ZNF423: variants seen among roughly 807,000 people sequenced by gnomAD.
The protein encoded by ZNF423 is Ebf-associated zinc finger protein.
ZNF423 carries 12 observed loss-of-function variants against 95.8 expected under a neutral mutation model. The observed-to-expected ratio is 0.13, with a 90% confidence interval of 0.08 to 0.20. ZNF423 has a LOEUF of 0.20. ZNF423 is among the 10% of genes least tolerant of loss of function. The pLI is 1.00. For missense variants in ZNF423, 1,316 were observed against 1,737.1 expected, an observed-to-expected ratio of 0.76 and a Z score of 4.31; for synonymous variants, 749 against 711.9, an observed-to-expected ratio of 1.05 and a Z score of -0.83.
chr16:49,648,634 A>T (rs1973270658), intron 3 of ZNF423, among the ~76,000 whole-genome samples: 1 of 151,374 alleles, frequency 6.6e-6, no homozygotes, highest in African/African-American at 2.4e-5. Context: ...CCTGGGTGAC[A>T]GAGCAAGACT....
chr16:49,631,663 G>A (rs1376266951), intron 4 of ZNF423, among the ~76,000 whole-genome samples: 1 of 152,216 alleles, frequency 6.6e-6, no homozygotes, highest in Non-Finnish European at 1.5e-5. Flanking sequence ...GGCAAAGACA[G>A]GAGAGGGAGG....
rs77996576 is a variant in ZNF423 at position 49,636,641 on chromosome 16, G to A, written c.2535C>T (p.Thr845=). The change falls in exon 4 of 8, where the codon ACC becomes ACT. Residue 845 remains threonine (T), a synonymous_variant. Transcript: ENST00000563137. The surrounding 1 kb of genome is among the most constrained non-coding windows in gnomAD (Gnocchi z 8.6). ...REKHCVFDAA[T]ENGTANGVPP... is the part of the protein sequence containing the mutation. ...GTACCCCATTGGCCGTGCCGTTCTCGGTCGCAGCATCAAACACACAGTGCT... is the reference window on the plus strand; with the variant it reads ...GTACCCCATTGGCCGTGCCGTTCTCAGTCGCAGCATCAAACACACAGTGCT... 3,607 of 1,614,026 alleles carry A rather than the reference G, an allele frequency of 2.2e-3. 69 individuals are homozygous for A. In the African/African-American group the frequency reaches 0.041, roughly 18 times the overall value.
intron 1 of ZNF423, among the ~76,000 whole-genome samples, chr16:49,851,993 A>T (rs2035307107): frequency 6.6e-6 from 1 of 152,220 alleles, no homozygotes; most frequent in African/African-American, 2.4e-5. Flanking sequence ...AAGATCATGT[A>T]CATTTAGCCA....
upstream of ZNF423, among the ~76,000 whole-genome samples, chr16:49,858,212 G>A (rs1465406762): frequency 6.7e-6 from 1 of 150,334 alleles, no homozygotes; most frequent in African/African-American, 2.4e-5. The surrounding 1 kb of genome is among the most constrained non-coding windows in gnomAD (Gnocchi z 4.3). Context: ...CCCGCTGCCC[G>A]CCGAGAACAG....
chr16:49,748,926 C>G (rs189301098), intron 2 of ZNF423, among the ~76,000 whole-genome samples: 5 of 152,288 alleles, frequency 3.3e-5, no homozygotes, highest in Admixed American at 3.3e-4. Context: ...CCCTCTCATG[C>G]AGAAAGAGGT....
intron 3 of ZNF423, among the ~76,000 whole-genome samples, chr16:49,639,441 C>G (rs752407325): frequency 6.6e-6 from 1 of 152,222 alleles, no homozygotes; most frequent in Non-Finnish European, 1.5e-5. Flanking sequence ...GAGCTGGAAG[C>G]TGCTGCTTCA....
chr16:49,510,063 G>A (rs1184645571), intron 7 of ZNF423, among the ~76,000 whole-genome samples: 1 of 152,262 alleles, frequency 6.6e-6, no homozygotes, highest in Non-Finnish European at 1.5e-5. Flanking sequence ...GACATCAAGC[G>A]AGTGGCTTAA....
At position 49,525,358 on chromosome 16, in the gene ZNF423, C is replaced by T; in HGVS notation, c.3733+5G>A. 1.2e-6 allele frequency: 2 copies of T among 1,613,992 alleles called. No individual in the cohort carries two copies. Among genetic ancestry groups the T allele is most frequent in the Non-Finnish European group, 8.5e-7 (1 of 1,179,916 alleles). Reference sequence around the variant, plus strand: ...CCCCTGAGGGGCACAAGCTGGGTACCTTACCTGTGAAACACACGGGGCATT... The same window carrying T: ...CCCCTGAGGGGCACAAGCTGGGTACTTTACCTGTGAAACACACGGGGCATT... On this transcript the variant is annotated splice_donor_5th_base_variant and intron_variant, in intron 6 of 7. Transcript: ENST00000563137.
chr16:49,636,656 C>T lies in ZNF423; in HGVS notation c.2520G>A (p.Val840=), dbSNP rs1042660017. The stretch of plus-strand genomic sequence containing the variant: ...TGCCGTTCTCGGTCGCAGCATCAAA[C>T]ACACAGTGCTTCTCCCGCAGGTGCT... ...LEKHLREKHC[V]FDAATENGTA... The change falls in exon 4 of 8, where the codon GTG becomes GTA. Residue 840 remains valine (V), a synonymous_variant. Transcript: ENST00000563137. This position sits in a 1 kb window ranked among gnomAD's most constrained non-coding sequence, Gnocchi z 8.6. The T allele has an allele frequency of 1.2e-6, 2 of 1,614,132 alleles. No homozygotes were observed. Among genetic ancestry groups the T allele is most frequent in the Non-Finnish European group, 1.7e-6 (2 of 1,180,020 alleles).
At chr16:49,496,507 C>A (rs1967172776) in intron 7 of ZNF423, among the ~76,000 whole-genome samples, 1 of 152,212 alleles carries the variant, frequency 6.6e-6, no homozygotes, top group Admixed American at 6.5e-5. Context: ...TGCCTTCCAT[C>A]ATCATTGGAA....
At chr16:49,567,392 C>A (rs1302604265) in intron 5 of ZNF423, among the ~76,000 whole-genome samples, 1 of 152,232 alleles carries the variant, frequency 6.6e-6, no homozygotes, top group African/African-American at 2.4e-5. Context: ...CACAGCTCCA[C>A]AATGTGGAAA....
intron 1 of ZNF423, among the ~76,000 whole-genome samples, chr16:49,830,222 G>A (rs868174330): frequency 4.6e-5 from 7 of 152,302 alleles, no homozygotes; most frequent in Middle Eastern, 6.8e-3. Flanking sequence ...TAGTACAGAG[G>A]AAGAGTCTCA....
chr16:49,693,137 T>C (rs2151947773), intron 3 of ZNF423, among the ~76,000 whole-genome samples: 1 of 152,372 alleles, frequency 6.6e-6, no homozygotes, highest in Middle Eastern at 3.4e-3. Context: ...CTGAGCACTT[T>C]AAATTGATTA....
intron 5 of ZNF423, among the ~76,000 whole-genome samples, chr16:49,608,115 T>C (rs1971597983): frequency 6.6e-6 from 1 of 152,228 alleles, no homozygotes; most frequent in Non-Finnish European, 1.5e-5. Context: ...TGCACCCATC[T>C]GATATGTCAG....
chr16:49,633,690 G>A (rs889846947), intron 4 of ZNF423, among the ~76,000 whole-genome samples: 1 of 152,124 alleles, frequency 6.6e-6, no homozygotes, highest in African/African-American at 2.4e-5. Flanking sequence ...AAAGGCTGAG[G>A]GGGACAGAGC....
chr16:49,682,307 A>G (rs1399841359), intron 3 of ZNF423, among the ~76,000 whole-genome samples: 1 of 152,062 alleles, frequency 6.6e-6, no homozygotes, highest in Non-Finnish European at 1.5e-5. Context: ...AGAAAGTGCA[A>G]GAGAGTGAAT....
At chr16:49,854,787 C>A (rs1481158179) in intron 1 of ZNF423, 1 of 985,334 alleles carries the variant, frequency 1.0e-6, no homozygotes, top group Non-Finnish European at 1.2e-6. Context: ...AGCTGGGGGC[C>A]CTCGCTGGAA....
chr16:49,853,592 T>C, intron 1 of ZNF423: 1 of 975,734 alleles, frequency 1.0e-6, no homozygotes, highest in East Asian at 1.1e-4. Context: ...ACTGGTCTCC[T>C]GTTCACCTTG....
chr16:49,688,054 GTT>G (rs5816653), intron 3 of ZNF423, among the ~76,000 whole-genome samples: 4,967 of 88,180 alleles, frequency 0.056, 159 homozygotes, highest in African/African-American at 0.071. Flanking sequence ...CCACGGTGCG[GTT>G]TTTTTTTTTT....
Sources: allele counts gnomAD v4.1 joint callset (sites outside exome capture counted in the v4.1 genomes callset), GRCh38; gene constraint gnomAD v4.1.1; non-coding constraint Gnocchi (gnomAD v3.1); transcripts MANE v1.5; gene names NCBI Gene and HGNC (gene_info 2026-07-23, HGNC 2026-07-21).